Variants in TTL observed in about 807,000 individuals in gnomAD.
The protein encoded by TTL is tubulin tyrosine ligase, also known as tubulin--tyrosine ligase.
In TTL, 10 loss-of-function variants were observed where a neutral mutation model predicts 41.1. That is an observed-to-expected ratio of 0.24 (90% confidence interval 0.15 to 0.41). TTL has a LOEUF of 0.41. Ranked by LOEUF, TTL falls within the 10% of genes least tolerant of loss-of-function variation. TTL has a pLI of 1.00. For missense variants in TTL, 367 were observed against 460.4 expected (o/e 0.80, Z 1.86); for synonymous variants, 175 against 175.5 (o/e 1.00, Z 0.02).
Position 112,533,658 on chromosome 2 carries a change from C to G in TTL, c.*4863C>G, listed in dbSNP as rs946652426. ...GAATGGAGTCTAACTCACCCTTTAA[C>G]TAGCAACCCATTCCTGTGATAACTA... On this transcript the variant is annotated 3_prime_UTR_variant, in exon 7 of 7. Transcript: ENST00000233336. The G allele has an allele frequency of 1.3e-5, 2 of 152,218 alleles. No individual in the cohort carries two copies. The highest frequency in any genetic ancestry group is 2.9e-5 in the Non-Finnish European group (2 of 68,036). The allele number at this position is 152,218 out of a possible 1,614,324, so 9.4% of individuals were successfully genotyped here.
intron 5 of TTL, among the ~76,000 whole-genome samples, chr2:112,514,652 G>C (rs890024847): frequency 6.6e-6 from 1 of 152,048 alleles, no homozygotes; most frequent in African/African-American, 2.4e-5. Flanking sequence ...CCTTTACATT[G>C]GTTTTTATAA....
intron 6 of TTL, chr2:112,521,391 C>A (rs887421045): frequency 5.1e-6 from 5 of 983,050 alleles, no homozygotes; most frequent in African/African-American, 1.7e-5. Flanking sequence ...GAAAGTCACT[C>A]GGACTCAATT....
At chr2:112,493,160 G>A (rs62157498) in intron 2 of TTL, among the ~76,000 whole-genome samples, 10,155 of 152,116 alleles carry the variant, frequency 0.067, 589 homozygotes, top group East Asian at 0.28. Context: ...TCCACCATTT[G>A]TTCACAGACT....
chr2:112,532,762 C>T lies in TTL; in HGVS notation c.*3967C>T, dbSNP rs1349462117. The T allele has an allele frequency of 7.0e-6, 1 of 142,342 alleles. No homozygotes were observed. Among genetic ancestry groups the T allele is most frequent in the African/African-American group, 2.9e-5 (1 of 34,766 alleles). 8.8% of individuals were successfully genotyped at this position (142,342 alleles called of 1,614,324 possible). On this transcript the variant is annotated 3_prime_UTR_variant, in exon 7 of 7. Transcript: ENST00000233336. Reference sequence around the variant, plus strand: ...TTTGCATACTTTTTGTTTTTTTCTCCAACTCTTAGCTCATAGGCCGTATAA... The same window carrying T: ...TTTGCATACTTTTTGTTTTTTTCTCTAACTCTTAGCTCATAGGCCGTATAA...
intron 4 of TTL, among the ~76,000 whole-genome samples, 172 bp from the exon 5 acceptor site, chr2:112,502,740 A>G (rs1474591772): frequency 6.6e-6 from 1 of 152,052 alleles, no homozygotes; most frequent in Non-Finnish European, 1.5e-5. Flanking sequence ...ATAACTCACT[A>G]TCTTAGCTAA....
At chr2:112,497,486 T>A (rs1439404596) in intron 3 of TTL, among the ~76,000 whole-genome samples, 2 of 152,252 alleles carry the variant, frequency 1.3e-5, no homozygotes, top group Non-Finnish European at 2.9e-5. Context: ...ACTAAAAGTA[T>A]CACCATTTTT....
At chr2:112,512,862 C>T (rs934353126) in intron 5 of TTL, among the ~76,000 whole-genome samples, 3 of 151,666 alleles carry the variant, frequency 2.0e-5, no homozygotes, top group African/African-American at 7.3e-5. Flanking sequence ...TTTTGTGTCT[C>T]TTTTTCCCAT....
intron 6 of TTL, among the ~76,000 whole-genome samples, chr2:112,523,481 GA>G (rs1312997120): frequency 6.6e-6 from 1 of 151,106 alleles, no homozygotes; most frequent in Non-Finnish European, 1.5e-5. Flanking sequence ...TGTCACTGGG[GA>G]GTCTTCCTCT....
intron 2 of TTL, among the ~76,000 whole-genome samples, chr2:112,489,081 C>T (rs372842693): frequency 1.5e-4 from 23 of 151,578 alleles, no homozygotes; most frequent in East Asian, 9.7e-4. Context: ...AGTGAGACGC[C>T]GTCTCAAAAA....
At chr2:112,491,875 TA>T (rs1681398071) in intron 2 of TTL, among the ~76,000 whole-genome samples, 1 of 152,230 alleles carries the variant, frequency 6.6e-6, no homozygotes, top group South Asian at 2.1e-4. Flanking sequence ...TCTTTTTTTT[TA>T]AATCTCTTAC....
intron 5 of TTL, among the ~76,000 whole-genome samples, chr2:112,510,778 A>T (rs1344200963): frequency 6.6e-6 from 1 of 152,124 alleles, no homozygotes; most frequent in Non-Finnish European, 1.5e-5. Context: ...AATCCCACAG[A>T]TTTTGCTGTT....
rs13389269 is a variant in TTL, at chr2:112,496,815, C to T, written c.469+2440C>T. ...CTCGACTTCCTGGGCTCAAGCGATC[C>T]TCCCAACTCAACCTCTTTTTTTTGA... On this transcript the variant is annotated intron_variant, in intron 3 of 6. Transcript: ENST00000233336. Among the ~76,000 whole-genome samples the T allele has an allele frequency of 1.3e-3, 200 of 150,292 alleles. 1 individual carries two copies. In the Middle Eastern group the frequency reaches 0.017, roughly 13 times the overall value.
chr2:112,519,637 T>A (rs1682166929), intron 5 of TTL, among the ~76,000 whole-genome samples: 1 of 151,502 alleles, frequency 6.6e-6, no homozygotes, highest in East Asian at 1.9e-4. Flanking sequence ...GGAAATGTTT[T>A]ACGTGTTATA....
At chr2:112,486,047 G>C in intron 2 of TTL, 52 bp downstream of exon 2, 1 of 1,551,138 alleles carries the variant, frequency 6.4e-7, no homozygotes, top group Non-Finnish European at 8.9e-7. Context: ...AAGCACTTAG[G>C]CAAAAATGTG....
rs964506237 is a variant in TTL, at chr2:112,482,829, A to C, written c.157+328A>C. Among the ~76,000 whole-genome samples, 2 of 152,156 alleles carry C rather than the reference A, an allele frequency of 1.3e-5. No individual in the cohort carries two copies. Among genetic ancestry groups the C allele is most frequent in the African/African-American group, 4.8e-5 (2 of 41,452 alleles). On this transcript the variant is annotated intron_variant, in intron 1 of 6. Transcript: ENST00000233336. This position sits in a 1 kb window ranked among gnomAD's most constrained non-coding sequence, Gnocchi z 5.3. ...GAGTCTAGCGGCTCCCCCGGGCCGA[A>C]GCCCCCAGATTTGGCGGGTCCGCCG...
chr2:112,492,742 T>A (rs6735572), intron 2 of TTL, among the ~76,000 whole-genome samples: 6,287 of 150,324 alleles, frequency 0.042, 453 homozygotes, highest in African/African-American at 0.15. Context: ...AAAAAAAAAA[T>A]TTGCTGGGTG....
At chr2:112,515,045 G>A (rs73955225) in intron 5 of TTL, among the ~76,000 whole-genome samples, 1,859 of 152,140 alleles carry the variant, frequency 0.012, 35 homozygotes, top group African/African-American at 0.042. Flanking sequence ...TTTAGTTAGC[G>A]TGCTTTTTAG....
chr2:112,524,413 A>C lies in TTL; in HGVS notation c.1019+3988A>C, dbSNP rs186227555. Among the ~76,000 whole-genome samples the C allele has an allele frequency of 8.6e-3, 1,311 of 152,320 alleles. 22 individuals carry two copies. The highest frequency in any genetic ancestry group is 0.03 in the African/African-American group (1,243 of 41,570). On this transcript the variant is annotated intron_variant, in intron 6 of 6. Transcript: ENST00000233336. Reference sequence around the variant, plus strand: ...TGAACTAGTTTACAGCCCCACCAACAGTGTAAAAGTGTTCCTATTTCTCCA... The same window carrying C: ...TGAACTAGTTTACAGCCCCACCAACCGTGTAAAAGTGTTCCTATTTCTCCA...
In TTL at chr2:112,529,514, A is replaced by C. The variant is rs1302268774; in HGVS notation, c.*719A>C. ...AAAAACATGATATATTGCTTTACTTAATAGGTTGAATATGGTAGGTCTTTG... is the reference window on the plus strand; with the variant it reads ...AAAAACATGATATATTGCTTTACTTCATAGGTTGAATATGGTAGGTCTTTG... On this transcript the variant is annotated 3_prime_UTR_variant, in exon 7 of 7. Transcript: ENST00000233336. 1.7e-5 allele frequency: 4 copies of C among 229,122 alleles called. No individual in the cohort carries two copies. Among genetic ancestry groups the C allele is most frequent in the African/African-American group, 8.9e-5 (4 of 45,146 alleles). The allele number at this position is 229,122 out of a possible 1,614,324, so 14.2% of individuals were successfully genotyped here.
Sources: gnomAD v4.1 joint callset for allele counts (sites outside exome capture counted in the v4.1 genomes callset) on GRCh38, gnomAD v4.1.1 for gene constraint, Gnocchi (gnomAD v3.1) non-coding constraint, MANE v1.5 for transcripts, NCBI Gene and HGNC (gene_info 2026-07-23, HGNC 2026-07-21) for gene names.